SEPTIN9: variants seen among roughly 807,000 people sequenced by gnomAD.
SEPTIN9 encodes septin-9.
A neutral mutation model predicts 56.6 loss-of-function variants in SEPTIN9; 13 were observed. The ratio of observed to expected loss-of-function variants is 0.23; its 90% confidence interval spans 0.15 to 0.37. The LOEUF (loss-of-function observed/expected upper bound fraction) is 0.37. SEPTIN9 is among the 10% of genes least tolerant of loss of function. The probability of loss-of-function intolerance (pLI) is 1.00; values close to 1 mark genes in which losing one functional copy is unlikely to be tolerated. For missense variants in SEPTIN9, 650 were observed against 823.1 expected (o/e 0.79, Z 2.57); for synonymous variants, 332 against 334.1 (o/e 0.99, Z 0.07).
chr17:77,342,789 A>G (rs113704559), intron 2 of SEPTIN9, among the ~76,000 whole-genome samples: 12 of 152,264 alleles, frequency 7.9e-5, no homozygotes, highest in African/African-American at 1.7e-4. Flanking sequence ...CCTGGGCAAC[A>G]TGGTGAAACC....
Position 77,413,019 on chromosome 17 carries a change from G to T in SEPTIN9, c.721+10316G>T, listed in dbSNP as rs138614885. On this transcript the variant is annotated intron_variant, in intron 3 of 11. Transcript: ENST00000427177. ...TCCATTGGAATGTATTTTGGTTTCA[G>T]CAGCGAGGTAGGGGTAGATGGTATT... is the stretch of plus-strand genomic sequence containing the variant. 1.6e-3 allele frequency among the ~76,000 whole-genome samples: 243 copies of T among 152,128 alleles called. 1 individual carries two copies. Among genetic ancestry groups the T allele is most frequent in the African/African-American group, 5.0e-3 (208 of 41,486 alleles).
chr17:77,336,924 T>C (rs1387943873), intron 2 of SEPTIN9, among the ~76,000 whole-genome samples: 2 of 152,152 alleles, frequency 1.3e-5, no homozygotes, highest in Non-Finnish European at 2.9e-5. Context: ...TTTTTCTGCA[T>C]CTATGGAAAT....
Position 77,367,853 on chromosome 17 carries a change from TAAA to T in SEPTIN9, c.77-34204_77-34202del, listed in dbSNP as rs2034617198. Among the ~76,000 whole-genome samples, 1 of 151,828 alleles carries T rather than the reference TAAA, an allele frequency of 6.6e-6. No homozygotes were observed. The highest frequency in any genetic ancestry group is 1.5e-5 in the Non-Finnish European group (1 of 67,982). ...CTAATAATAAATAAAATAATAATAA[TAAA>T]ATAATAAAAGCAAGGACTTGAACAA... On this transcript the variant is annotated intron_variant, in intron 2 of 11. Coordinates refer to ENST00000427177, the MANE Select transcript of SEPTIN9 (RefSeq NM_001113491.2). This position sits in a 1 kb window ranked among gnomAD's most constrained non-coding sequence, Gnocchi z 4.5.
intron 1 of SEPTIN9, among the ~76,000 whole-genome samples, chr17:77,306,476 T>C (rs1426643723): frequency 6.6e-6 from 1 of 152,224 alleles, no homozygotes; most frequent in African/African-American, 2.4e-5. Context: ...CATGAGCCTC[T>C]CCAACAAGCA....
At chr17:77,412,319 G>A (rs1195180367) in intron 3 of SEPTIN9, among the ~76,000 whole-genome samples, 1 of 152,108 alleles carries the variant, frequency 6.6e-6, no homozygotes, top group Non-Finnish European at 1.5e-5. Flanking sequence ...TCTCCAATTG[G>A]TGTTTTATTT....
At chr17:77,457,515 C>G (rs1032790735) in intron 3 of SEPTIN9, among the ~76,000 whole-genome samples, 5 of 152,206 alleles carry the variant, frequency 3.3e-5, no homozygotes, top group African/African-American at 1.2e-4. Context: ...CCTTGGCAGA[C>G]ACCCTGAATG....
chr17:77,321,550 C>T (rs1281367716), intron 2 of SEPTIN9, among the ~76,000 whole-genome samples: 1 of 152,112 alleles, frequency 6.6e-6, no homozygotes, highest in African/African-American at 2.4e-5. Context: ...TAGGCGCCCG[C>T]CATATTTTTT....
intron 7 of SEPTIN9, among the ~76,000 whole-genome samples, chr17:77,489,415 A>G (rs533813462): frequency 5.9e-5 from 9 of 152,034 alleles, no homozygotes; most frequent in Admixed American, 1.3e-4. Flanking sequence ...GGGAGGCTGC[A>G]TGTACCCTGG....
chr17:77,441,200 G>A (rs2037536821), intron 3 of SEPTIN9, among the ~76,000 whole-genome samples: 1 of 152,170 alleles, frequency 6.6e-6, no homozygotes, highest in African/African-American at 2.4e-5. Flanking sequence ...ACTTTTGCCT[G>A]CCCTGGTGTC....
At chr17:77,335,317 G>C (rs559231405) in intron 2 of SEPTIN9, among the ~76,000 whole-genome samples, 1 of 149,814 alleles carries the variant, frequency 6.7e-6, no homozygotes, top group Non-Finnish European at 1.5e-5. Context: ...TATACATGTA[G>C]GCCCCATGTT....
intron 3 of SEPTIN9, among the ~76,000 whole-genome samples, chr17:77,467,759 G>A (rs1012317811): frequency 1.3e-5 from 2 of 152,240 alleles, no homozygotes; most frequent in Non-Finnish European, 2.9e-5. Flanking sequence ...CACAGAGGGA[G>A]CGGTGTTACC....
chr17:77,500,495 C>T lies in SEPTIN9; in HGVS notation c.*1837C>T, dbSNP rs1297785639. 3 of 216,286 alleles carry T rather than the reference C, an allele frequency of 1.4e-5. No individual in the cohort carries two copies. The highest frequency in any genetic ancestry group is 5.8e-5 in the Admixed American group (1 of 17,124). 13.4% of individuals were successfully genotyped at this position (216,286 alleles called of 1,614,324 possible). A position where few individuals can be genotyped will look rare whatever the true frequency, so the allele number is the denominator to read the frequency against. On this transcript the variant is annotated 3_prime_UTR_variant, in exon 12 of 12. Coordinates refer to ENST00000427177, the MANE Select transcript of SEPTIN9 (RefSeq NM_001113491.2). ...TCATCAGGCTCTGTTCCTCAATGGC[C>T]TTTTGCTACGTGCCTCCCGAGAAAT...
chr17:77,300,869 C>A (rs2032018115), intron 1 of SEPTIN9, among the ~76,000 whole-genome samples: 1 of 119,904 alleles, frequency 8.3e-6, no homozygotes, highest in Non-Finnish European at 1.8e-5. Context: ...CGCCCCCATC[C>A]CAGCTCAAAC....
chr17:77,477,777 AG>A (rs1372460676), intron 3 of SEPTIN9, among the ~76,000 whole-genome samples: 12 of 152,198 alleles, frequency 7.9e-5, no homozygotes, highest in African/African-American at 2.9e-4. Context: ...CGGAGCCGGG[AG>A]GGAAGCTCTG....
At chr17:77,303,463 C>T (rs373426777) in intron 1 of SEPTIN9, among the ~76,000 whole-genome samples, 29 of 151,164 alleles carry the variant, frequency 1.9e-4, no homozygotes, top group African/African-American at 5.6e-4. Flanking sequence ...GCCTGTAATC[C>T]GAACACTTTG....
In SEPTIN9 at chr17:77,327,151, C is replaced by T. The variant is rs952941677; in HGVS notation, c.76+19954C>T. ...CACTGGCTCTCATCTGCCGACCTTACCTCTGGCAATGCCTCCCTCTCCTGG... is the reference window on the plus strand; with the variant it reads ...CACTGGCTCTCATCTGCCGACCTTATCTCTGGCAATGCCTCCCTCTCCTGG... On this transcript the variant is annotated intron_variant, in intron 2 of 11. Coordinates refer to ENST00000427177, the MANE Select transcript of SEPTIN9 (RefSeq NM_001113491.2). The surrounding 1 kb of genome is among the most constrained non-coding windows in gnomAD (Gnocchi z 5.0). 9.2e-5 allele frequency among the ~76,000 whole-genome samples: 14 copies of T among 152,262 alleles called. No homozygotes were observed. Among genetic ancestry groups the T allele is most frequent in the African/African-American group, 2.9e-4 (12 of 41,546 alleles).
chr17:77,480,705 C>G (rs927135283), intron 3 of SEPTIN9, among the ~76,000 whole-genome samples: 63 of 152,328 alleles, frequency 4.1e-4, no homozygotes, highest in Non-Finnish European at 7.8e-4. Context: ...GGGTGCCCAC[C>G]GGTCCCAGGG....
At chr17:77,386,715 G>A (rs376380908) in intron 2 of SEPTIN9, among the ~76,000 whole-genome samples, 14 of 152,318 alleles carry the variant, frequency 9.2e-5, no homozygotes, top group South Asian at 6.2e-4. Context: ...TGCCCCAGGG[G>A]GCTGGGGGAA....
At position 77,421,677 on chromosome 17, in the gene SEPTIN9, C is replaced by T. The variant is rs1034705439; in HGVS notation, c.721+18974C>T. Among the ~76,000 whole-genome samples the T allele has an allele frequency of 2.0e-5, 3 of 152,190 alleles. No homozygotes were observed. The highest frequency in any genetic ancestry group is 2.9e-5 in the Non-Finnish European group (2 of 68,036). On this transcript the variant is annotated intron_variant, in intron 3 of 11. Coordinates refer to ENST00000427177, the MANE Select transcript of SEPTIN9 (RefSeq NM_001113491.2). This position sits in a 1 kb window ranked among gnomAD's most constrained non-coding sequence, Gnocchi z 4.6. Reference sequence around the variant, plus strand: ...CTTTGGAACTGGAGTGGCTCCTCCACGGTGGATTGGGCTGAGCTCTCTGCC... The same window carrying T: ...CTTTGGAACTGGAGTGGCTCCTCCATGGTGGATTGGGCTGAGCTCTCTGCC...
Sources: allele counts gnomAD v4.1 joint callset (sites outside exome capture counted in the v4.1 genomes callset), GRCh38; gene constraint gnomAD v4.1.1; non-coding constraint Gnocchi (gnomAD v3.1); transcripts MANE v1.5; gene names NCBI Gene and HGNC (gene_info 2026-07-23, HGNC 2026-07-21).